Variants in LYPLAL1 observed in about 807,000 individuals in gnomAD.
LYPLAL1 encodes the protein lysophospholipase-like protein 1.
In LYPLAL1, 23 loss-of-function variants were observed where a neutral mutation model predicts 19.7. The ratio of observed to expected loss-of-function variants is 1.17; its 90% CI spans 0.84 to 1.65. The LOEUF (loss-of-function observed/expected upper bound fraction) is 1.65. Among genes scored for constraint, LYPLAL1 ranks in the 40% most tolerant of loss-of-function variants. The pLI is 0.00. For missense variants in LYPLAL1, 355 were observed against 279.4 expected, an observed-to-expected ratio of 1.27 and a Z score of -1.93; for synonymous variants, 119 against 96.3, an observed-to-expected ratio of 1.24 and a Z score of -1.38.
the LYPLAL1 span, among the ~76,000 whole-genome samples, chr1:219,353,343 T>C: frequency 6.6e-6 from 1 of 152,260 alleles, no homozygotes; most frequent in African/African-American, 2.4e-5. Flanking sequence ...CAGTGTTTAC[T>C]TGAATGCCAG....
At chr1:219,233,118 T>A in the LYPLAL1 span, among the ~76,000 whole-genome samples, 1 of 152,226 alleles carries the variant, frequency 6.6e-6, no homozygotes, top group Non-Finnish European at 1.5e-5. Flanking sequence ...GCAACCCAAA[T>A]GTCCATCAAT....
At chr1:219,262,022 C>T in the LYPLAL1 span, among the ~76,000 whole-genome samples, 1 of 152,098 alleles carries the variant, frequency 6.6e-6, no homozygotes, top group Non-Finnish European at 1.5e-5. Context: ...TCCCAAATTT[C>T]TCAGAGACTT....
At chr1:219,203,575 TG>T (rs1658297126) in intron 3 of LYPLAL1, among the ~76,000 whole-genome samples, 1 of 152,222 alleles carries the variant, frequency 6.6e-6, no homozygotes, top group East Asian at 1.9e-4. Context: ...GGAACTGCTT[TG>T]TTGAAGTGGC....
chr1:219,296,059 A>G, the LYPLAL1 span, among the ~76,000 whole-genome samples: 2 of 152,218 alleles, frequency 1.3e-5, no homozygotes, highest in East Asian at 3.8e-4. Context: ...AATATCTGAT[A>G]AATAATAAAT....
chr1:219,391,702 T>C, the LYPLAL1 span, among the ~76,000 whole-genome samples: 2 of 152,198 alleles, frequency 1.3e-5, no homozygotes, highest in Non-Finnish European at 2.9e-5. Context: ...ATTCAAGCTA[T>C]ATATTTTTAA....
At chr1:219,356,405 C>T in the LYPLAL1 span, among the ~76,000 whole-genome samples, 3 of 152,100 alleles carry the variant, frequency 2.0e-5, no homozygotes, top group African/African-American at 7.2e-5. Context: ...GAGGCTGAGG[C>T]AGGAGAATCG....
chr1:219,420,941 C>G, the LYPLAL1 span, among the ~76,000 whole-genome samples: 11 of 152,112 alleles, frequency 7.2e-5, no homozygotes, highest in African/African-American at 2.7e-4. Context: ...ATTCTTACAT[C>G]TTAGTTCTTT....
intron 3 of LYPLAL1, among the ~76,000 whole-genome samples, chr1:219,196,848 A>C (rs1230382984): frequency 6.6e-6 from 1 of 152,158 alleles, no homozygotes; most frequent in African/African-American, 2.4e-5. Context: ...ATTCCTATAC[A>C]CCAACAGTAG....
chr1:219,299,878 C>T, the LYPLAL1 span, among the ~76,000 whole-genome samples: 1 of 152,072 alleles, frequency 6.6e-6, no homozygotes, highest in African/African-American at 2.4e-5. Flanking sequence ...TATATATGCA[C>T]ACACACATAG....
chr1:219,329,642 G>A, the LYPLAL1 span, among the ~76,000 whole-genome samples: 4,484 of 152,256 alleles, frequency 0.029, 84 homozygotes, highest in South Asian at 0.058. Context: ...TGGAATGCCC[G>A]GTGAGCCTTC....
chr1:219,312,702 G>A, the LYPLAL1 span, among the ~76,000 whole-genome samples: 4 of 152,102 alleles, frequency 2.6e-5, no homozygotes, highest in South Asian at 2.1e-4. Context: ...AGTGCTCCTC[G>A]GGATTTTTGT....
the LYPLAL1 span, among the ~76,000 whole-genome samples, chr1:219,257,072 T>C: frequency 6.6e-6 from 1 of 152,064 alleles, no homozygotes; most frequent in African/African-American, 2.4e-5. Flanking sequence ...TGTTTCTTAA[T>C]TGTCTTTTTC....
chr1:219,216,555 A>G (rs1297978302), downstream of LYPLAL1, among the ~76,000 whole-genome samples: 1 of 152,106 alleles, frequency 6.6e-6, no homozygotes, highest in African/African-American at 2.4e-5. Context: ...AGGTTTTTAC[A>G]CTATAGCTAG....
At chr1:219,392,086 A>G in the LYPLAL1 span, among the ~76,000 whole-genome samples, 748 of 152,274 alleles carry the variant, frequency 4.9e-3, 6 homozygotes, top group Non-Finnish European at 8.9e-3. Context: ...ACACAAAAAA[A>G]GCATCTCAGA....
chr1:219,246,792 C>T, the LYPLAL1 span, among the ~76,000 whole-genome samples: 1 of 152,164 alleles, frequency 6.6e-6, no homozygotes, highest in African/African-American at 2.4e-5. Context: ...CACCATATTG[C>T]CCAGGCTGGT....
the LYPLAL1 span, among the ~76,000 whole-genome samples, chr1:219,406,548 T>A: frequency 2.0e-5 from 3 of 152,192 alleles, no homozygotes; most frequent in Non-Finnish European, 4.4e-5. Context: ...TACTTAGAGA[T>A]TGTACTCTTC....
chr1:219,391,572 GA>G, the LYPLAL1 span, among the ~76,000 whole-genome samples: 43 of 147,874 alleles, frequency 2.9e-4, no homozygotes, highest in African/African-American at 4.5e-4. Context: ...CATTTAGCTT[GA>G]AAAAAAAAAA....
chr1:219,261,442 T>C, the LYPLAL1 span, among the ~76,000 whole-genome samples: 1 of 152,184 alleles, frequency 6.6e-6, no homozygotes, highest in Non-Finnish European at 1.5e-5. Context: ...TTCCTGGAGC[T>C]GATCCAGCGA....
At chr1:219,289,080 T>TTTG in the LYPLAL1 span, among the ~76,000 whole-genome samples, 201 of 150,156 alleles carry the variant, frequency 1.3e-3, 2 homozygotes, top group South Asian at 4.5e-3. Flanking sequence ...CTTGTTTTGT[T>TTTG]TTTTTTGTTT....
Sources: allele counts gnomAD v4.1 joint callset (sites outside exome capture counted in the v4.1 genomes callset), GRCh38; gene constraint gnomAD v4.1.1; transcripts MANE v1.5; gene names NCBI Gene and HGNC (gene_info 2026-07-23, HGNC 2026-07-21).